The following DHX9 variants were observed in gnomAD, a reference collection of about 807,000 sequenced individuals.
DHX9 encodes DExH-box helicase 9.
In DHX9, 27 loss-of-function variants were observed where a neutral mutation model predicts 148.7. The observed-to-expected ratio is 0.18, with a 90% confidence interval of 0.13 to 0.25. The LOEUF (loss-of-function observed/expected upper bound fraction) is 0.25. DHX9 is among the 10% of genes least tolerant of loss of function. The pLI is 1.00. For missense variants in DHX9, 796 were observed against 1,559.6 expected (o/e 0.51, Z 8.25); for synonymous variants, 529 against 516.6 (o/e 1.02, Z -0.33).
At chr1:182,846,950 A>AT (rs1039662606) in intron 3 of DHX9, among the ~76,000 whole-genome samples, 21 of 149,766 alleles carry the variant, frequency 1.4e-4, no homozygotes, top group African/African-American at 5.2e-4. Flanking sequence ...ATTTTTATTG[A>AT]TTATCTTCAG....
chr1:182,874,695 G>A (rs959563424), intron 15 of DHX9, among the ~76,000 whole-genome samples, 159 bp from the exon 16 acceptor site: 1 of 152,120 alleles, frequency 6.6e-6, no homozygotes, highest in Non-Finnish European at 1.5e-5. Context: ...AGTTTGATTA[G>A]GAAAATAAGG....
intron 14 of DHX9, among the ~76,000 whole-genome samples, chr1:182,869,629 G>T (rs991452649): frequency 6.6e-6 from 1 of 152,186 alleles, no homozygotes; most frequent in African/African-American, 2.4e-5. Context: ...GTCCAGTCTT[G>T]TCTTGGAGTT....
At chr1:182,886,635 C>T (rs896585189) in intron 27 of DHX9, among the ~76,000 whole-genome samples, 7 of 152,126 alleles carry the variant, frequency 4.6e-5, no homozygotes, top group East Asian at 3.8e-4. Context: ...ATTTTTTATT[C>T]GCTTTATTTT....
At chr1:182,848,612 A>G (rs537453205) in intron 3 of DHX9, among the ~76,000 whole-genome samples, 108 of 151,952 alleles carry the variant, frequency 7.1e-4, no homozygotes, top group African/African-American at 2.3e-3. Context: ...ATGAATTTGG[A>G]AAAAAAAATT....
At chr1:182,868,577 C>T (rs375157012) in intron 14 of DHX9, among the ~76,000 whole-genome samples, 9 of 138,808 alleles carry the variant, frequency 6.5e-5, no homozygotes, top group African/African-American at 1.8e-4. Flanking sequence ...TGCAATGGCG[C>T]GATCTCGGCT....
chr1:182,852,097 C>T (rs926858579), intron 3 of DHX9, 136 bp from the exon 4 acceptor site: 2 of 572,622 alleles, frequency 3.5e-6, no homozygotes, highest in African/African-American at 1.9e-5. Context: ...GCTCTAGAGA[C>T]TTAACCTCTA....
chr1:182,875,093 A>C, intron 16 of DHX9, 139 bp downstream of exon 16: 1 of 755,498 alleles, frequency 1.3e-6, no homozygotes, highest in Non-Finnish European at 2.3e-6. Context: ...CTTTGGATTA[A>C]TTGATGTATT....
chr1:182,844,063 C>T (rs1266175617), intron 3 of DHX9, among the ~76,000 whole-genome samples: 1 of 152,200 alleles, frequency 6.6e-6, no homozygotes, highest in Admixed American at 6.5e-5. Flanking sequence ...ATTCTCCTGC[C>T]TCAGCCTCCG....
At chr1:182,862,977 A>G (rs1357298592) in intron 12 of DHX9, among the ~76,000 whole-genome samples, 2 of 152,202 alleles carry the variant, frequency 1.3e-5, no homozygotes, top group South Asian at 2.1e-4. Context: ...ATTACCTACT[A>G]CTATGGCTGG....
Position 182,878,033 on chromosome 1 carries a change from A to G in DHX9, c.2211A>G (p.Lys737=), listed in dbSNP as rs759051804. The part of the protein sequence containing the change: ...YVIDSCKQKV[K]LFTAHNNMTN... The stretch of plus-strand genomic sequence containing the variant: ...TTTTCCTATGTAGGCAGAAAGTGAA[A>G]CTCTTCACTGCTCACAACAATATGA... Residue 737 remains lysine (K), a synonymous_variant, in exon 20 of 28, where the codon AAA becomes AAG. Coordinates refer to ENST00000367549, the MANE Select transcript of DHX9 (RefSeq NM_001357.5). 1.3e-5 allele frequency: 21 copies of G among 1,614,072 alleles called. No individual in the cohort carries two copies. The highest frequency in any genetic ancestry group is 1.6e-4 in the Middle Eastern group (1 of 6,084).
intron 3 of DHX9, among the ~76,000 whole-genome samples, chr1:182,846,036 C>G (rs775814310): frequency 4.6e-5 from 7 of 152,098 alleles, no homozygotes; most frequent in Non-Finnish European, 1.0e-4. Context: ...TCTCACTTCC[C>G]CAGAGGCTGG....
chr1:182,882,418 A>T (rs1316619439), intron 24 of DHX9, among the ~76,000 whole-genome samples: 4 of 152,118 alleles, frequency 2.6e-5, no homozygotes, highest in Non-Finnish European at 4.4e-5. Context: ...TAGACTGGGT[A>T]AAAACGTCAG....
chr1:182,863,774 A>G (rs1455990887), intron 12 of DHX9, among the ~76,000 whole-genome samples: 4 of 147,820 alleles, frequency 2.7e-5, no homozygotes, highest in African/African-American at 5.3e-5. Context: ...CTAGTGAGCT[A>G]AGAATTAAGA....
intron 16 of DHX9, chr1:182,875,230 A>G (rs1648706404): frequency 2.1e-6 from 1 of 482,512 alleles, no homozygotes; most frequent in Non-Finnish European, 4.1e-6. Flanking sequence ...ATGGTTAGGG[A>G]CAATGCTGTT....
intron 16 of DHX9, chr1:182,875,268 TC>T (rs944821325): frequency 7.5e-5 from 34 of 452,724 alleles, no homozygotes; most frequent in African/African-American, 5.6e-4. Flanking sequence ...TCAAAGTTTT[TC>T]AGTAGGCTGC....
rs1026446300 is a variant in DHX9, at chr1:182,855,752, A to AT, written c.627-773dup. 11 of 985,112 alleles carry AT rather than the reference A, an allele frequency of 1.1e-5. No individual in the cohort carries two copies. The African/African-American group carries it at 1.9e-4, about 17-fold the overall frequency. 61.0% of individuals were successfully genotyped at this position (985,112 alleles called of 1,614,324 possible). On this transcript the variant is annotated intron_variant, in intron 6 of 27. Transcript: ENST00000367549. Reference sequence around the variant, plus strand: ...AGGTATAGGAAGGAGTCTAACATTTATTTTTTTCTTAAGCCTCACCTAGCC... The same window carrying AT: ...AGGTATAGGAAGGAGTCTAACATTTATTTTTTTTCTTAAGCCTCACCTAGCC...
Position 182,884,526 on chromosome 1 carries a change from A to AT in DHX9, c.3261-86dup. On this transcript the variant is annotated intron_variant, in intron 26 of 27. Coordinates refer to ENST00000367549, the MANE Select transcript of DHX9 (RefSeq NM_001357.5). ...ATGCTTAAGAAGTTAAATTTATTCT[A>AT]TAATGTGCCATGTGTGAAGTTGAGA... 2.5e-6 allele frequency: 3 copies of AT among 1,180,088 alleles called. No individual in the cohort carries two copies. The South Asian group carries it at 4.0e-5, about 16-fold the overall frequency. The allele number at this position is 1,180,088 out of a possible 1,614,324, so 73.1% of individuals were successfully genotyped here.
chr1:182,853,940 G>T (rs556290545), intron 5 of DHX9, 90 bp from the exon 6 acceptor site: 5 of 1,178,930 alleles, frequency 4.2e-6, no homozygotes, highest in African/African-American at 3.1e-5. Context: ...CATTATAAAG[G>T]ATAGTACAAA....
At chr1:182,863,209 A>G (rs1413642488) in intron 12 of DHX9, among the ~76,000 whole-genome samples, 1 of 152,200 alleles carries the variant, frequency 6.6e-6, no homozygotes, top group Admixed American at 6.5e-5. Flanking sequence ...AGTGTAACAT[A>G]GTTAAAATAA....
Sources: gnomAD v4.1 joint callset for allele counts (sites outside exome capture counted in the v4.1 genomes callset) on GRCh38, gnomAD v4.1.1 for gene constraint, MANE v1.5 for transcripts, NCBI Gene and HGNC (gene_info 2026-07-23, HGNC 2026-07-21) for gene names.